The following ZDHHC7 variants were observed in gnomAD, a reference collection of about 807,000 sequenced individuals.
ZDHHC7 encodes zDHHC palmitoyltransferase 7, also known as palmitoyltransferase ZDHHC7.
In ZDHHC7, 12 loss-of-function variants were observed where a neutral mutation model predicts 34.1. That is an observed-to-expected ratio of 0.35 (90% CI 0.23 to 0.57). ZDHHC7 has a LOEUF of 0.57. ZDHHC7 is among the 20% of genes least tolerant of loss of function. The pLI is 0.84. For synonymous variants in ZDHHC7, 185 were observed against 155.4 expected, an observed-to-expected ratio of 1.19 and a Z score of -1.42; for missense variants, 388 against 402.7, an observed-to-expected ratio of 0.96 and a Z score of 0.31.
At chr16:85,016,315 C>T (rs2072833960), upstream of ZDHHC7, among the ~76,000 whole-genome samples, 1 of 152,014 alleles carries the variant, frequency 6.6e-6, no homozygotes, top group African/African-American at 2.4e-5. Context: ...CGCCAGCACA[C>T]CTGGCCAAAA....
intron 3 of ZDHHC7, chr16:84,988,670 G>A: frequency 9.3e-7 from 1 of 1,079,456 alleles, no homozygotes; most frequent in South Asian, 1.4e-5. Flanking sequence ...CGCAGAGGAG[G>A]AAGGGGCAAG....
chr16:84,977,029 T>C (rs1217955277), intron 7 of ZDHHC7, 66 bp downstream of exon 7: 3 of 1,596,782 alleles, frequency 1.9e-6, no homozygotes, highest in Non-Finnish European at 2.6e-6. Context: ...TTGTTGACAT[T>C]AGGACTTTTC....
At position 84,976,364 on chromosome 16, in the gene ZDHHC7, A is replaced by C. The variant is rs7195377; in HGVS notation, c.906T>G (p.Gly302=). Residue 302 remains glycine (G), a synonymous_variant, in exon 8 of 8, where the codon GGT becomes GGG. Coordinates refer to ENST00000313732, the MANE Select transcript of ZDHHC7 (RefSeq NM_017740.3). ...FRRLPTRPRK[G]GPEFSV ...CGCCTCACACTGAGAACTCCGGGCC[A>C]CCTTTTCTGGGTCTCGTGGGCAGTC... is the stretch of plus-strand genomic sequence containing the variant. The C allele has an allele frequency of 1.2e-6, 2 of 1,613,684 alleles. No individual in the cohort carries two copies. The highest frequency in any genetic ancestry group is 1.7e-6 in the Non-Finnish European group (2 of 1,179,866).
chr16:85,001,814 G>T (rs750562709), intron 1 of ZDHHC7, among the ~76,000 whole-genome samples: 1 of 152,058 alleles, frequency 6.6e-6, no homozygotes, highest in South Asian at 2.1e-4. Context: ...GGACTCAAGC[G>T]ATCTTCCCAT....
chr16:84,976,058 T>C lies in ZDHHC7; in HGVS notation c.*285A>G, dbSNP rs2072292781. On this transcript the variant is annotated 3_prime_UTR_variant, in exon 8 of 8. Coordinates refer to ENST00000313732, the MANE Select transcript of ZDHHC7 (RefSeq NM_017740.3). Reference sequence around the variant, plus strand: ...GGACCCAGGATTTGAATAACCCATGTAATAACCCGAAGTATTCTCCACAGA... The same window carrying C: ...GGACCCAGGATTTGAATAACCCATGCAATAACCCGAAGTATTCTCCACAGA... 1 of 413,020 alleles carries C rather than the reference T, an allele frequency of 2.4e-6. No individual in the cohort carries two copies. Among genetic ancestry groups the C allele is most frequent in the African/African-American group, 2.1e-5 (1 of 46,930 alleles). The allele number at this position is 413,020 out of a possible 1,614,324, so 25.6% of individuals were successfully genotyped here.
At chr16:85,019,173 C>T in the ZDHHC7 span, among the ~76,000 whole-genome samples, 1 of 152,170 alleles carries the variant, frequency 6.6e-6, no homozygotes, top group African/African-American at 2.4e-5. Flanking sequence ...AAAATTTCTC[C>T]CTCCCTCGCA....
At chr16:84,990,252 G>C (rs759785038) in intron 3 of ZDHHC7, 52 bp downstream of exon 3, 3 of 1,583,512 alleles carry the variant, frequency 1.9e-6, no homozygotes, top group Non-Finnish European at 2.6e-6. Context: ...CCACACCCGA[G>C]GACACTAGAC....
the ZDHHC7 span, among the ~76,000 whole-genome samples, chr16:85,024,484 C>CAG: frequency 6.6e-6 from 1 of 152,036 alleles, no homozygotes; most frequent in Non-Finnish European, 1.5e-5. Context: ...GCCCACCTTG[C>CAG]CCTCCCAAAG....
rs1386393373 is a variant in ZDHHC7 at position 84,992,762 on chromosome 16, T to TA, written c.-17-2128dup. ...CTGAAATGTGAATAAAGGAGTGTAG[T>TA]AAGAATGTTCTCAGAGGTCAGGTCA... On this transcript the variant is annotated intron_variant, in intron 2 of 7. Coordinates refer to ENST00000313732, the MANE Select transcript of ZDHHC7 (RefSeq NM_017740.3). 2.6e-5 allele frequency among the ~76,000 whole-genome samples: 4 copies of TA among 152,212 alleles called. No individual in the cohort carries two copies. The East Asian group carries it at 7.7e-4, about 29-fold the overall frequency.
chr16:84,990,155 T>C, intron 3 of ZDHHC7, 149 bp downstream of exon 3: 1 of 923,536 alleles, frequency 1.1e-6, no homozygotes, highest in Non-Finnish European at 1.6e-6. Flanking sequence ...CTAAAGGGAA[T>C]CTGCTCCCAA....
chr16:85,015,359 C>A (rs543126262), upstream of ZDHHC7, among the ~76,000 whole-genome samples: 5 of 152,156 alleles, frequency 3.3e-5, no homozygotes, highest in South Asian at 1.0e-3. Flanking sequence ...CCTCGTCTTC[C>A]CAAAGTGCTG....
At chr16:85,013,444 T>C (rs915091590), upstream of ZDHHC7, among the ~76,000 whole-genome samples, 15 of 152,060 alleles carry the variant, frequency 9.9e-5, no homozygotes, top group African/African-American at 3.4e-4. Flanking sequence ...GGTTTTGCCA[T>C]GTTGGCCAGG....
upstream of ZDHHC7, among the ~76,000 whole-genome samples, chr16:85,016,280 C>G (rs549123831): frequency 2.6e-5 from 4 of 151,570 alleles, no homozygotes; most frequent in Non-Finnish European, 5.9e-5. Context: ...CCTCAGCCTC[C>G]CAAACTGTTA....
chr16:84,977,318 T>G, intron 6 of ZDHHC7, 93 bp from the exon 7 acceptor site: 1 of 1,506,718 alleles, frequency 6.6e-7, no homozygotes, highest in South Asian at 1.3e-5. Context: ...GGCCAGCCCC[T>G]GGCCAGCTTC....
chr16:84,995,744 C>G (rs1344307299), intron 2 of ZDHHC7, among the ~76,000 whole-genome samples, 178 bp downstream of exon 2: 1 of 152,254 alleles, frequency 6.6e-6, no homozygotes, highest in Non-Finnish European at 1.5e-5. Context: ...GTCCCCTCCA[C>G]AGATACACCC....
chr16:84,990,737 G>C (rs1000467133), intron 2 of ZDHHC7, 102 bp from the exon 3 acceptor site: 2 of 889,886 alleles, frequency 2.2e-6, no homozygotes, highest in African/African-American at 3.4e-5. Context: ...CATGAAGTTA[G>C]TCTAAATACA....
intron 2 of ZDHHC7, among the ~76,000 whole-genome samples, chr16:84,992,612 A>G (rs8058900): frequency 0.18 from 27,338 of 152,194 alleles, 2,599 homozygotes; most frequent in African/African-American, 0.23. Flanking sequence ...GAGACAGTCA[A>G]TTTCACCTAG....
chr16:84,984,164 C>T (rs2072407257), intron 3 of ZDHHC7, among the ~76,000 whole-genome samples: 1 of 151,844 alleles, frequency 6.6e-6, no homozygotes, highest in Non-Finnish European at 1.5e-5. Flanking sequence ...GGATTATAGG[C>T]GTGCGCCACC....
At chr16:85,020,077 T>G in the ZDHHC7 span, among the ~76,000 whole-genome samples, 1 of 152,218 alleles carries the variant, frequency 6.6e-6, no homozygotes, top group Non-Finnish European at 1.5e-5. Context: ...GCTCTGCCGT[T>G]TCGGCTGCGC....
Sources: allele counts gnomAD v4.1 joint callset (sites outside exome capture counted in the v4.1 genomes callset), GRCh38; gene constraint gnomAD v4.1.1; transcripts MANE v1.5; gene names NCBI Gene and HGNC (gene_info 2026-07-23, HGNC 2026-07-21).